The following RAET1L variants were observed in gnomAD, a reference collection of about 807,000 sequenced individuals.
RAET1L encodes the protein UL16-binding protein 6.
Under a neutral mutation model 23.9 loss-of-function variants are expected in RAET1L, and 16 were observed. That is an observed-to-expected ratio of 0.67 (90% CI 0.45 to 1.02). RAET1L has a LOEUF of 1.02. Ranked by LOEUF, RAET1L falls within the 50% of genes least tolerant of loss-of-function variation. The pLI is 0.00. For missense variants in RAET1L, 233 were observed against 304.0 expected, an observed-to-expected ratio of 0.77 and a Z score of 1.74; for synonymous variants, 70 against 111.2, an observed-to-expected ratio of 0.63 and a Z score of 2.33.
At chr6:150,019,068 G>A (rs1483479330) in intron 4 of RAET1L, among the ~76,000 whole-genome samples, 1 of 152,132 alleles carries the variant, frequency 6.6e-6, no homozygotes, top group Non-Finnish European at 1.5e-5. Context: ...ACCTGACCAG[G>A]GGATGGAGTG....
At chr6:150,021,695 A>T (rs1424172340) in intron 2 of RAET1L, among the ~76,000 whole-genome samples, 1 of 142,868 alleles carries the variant, frequency 7.0e-6, no homozygotes, top group African/African-American at 2.6e-5. Flanking sequence ...TGCCGGGTTC[A>T]AGGGATCCTC....
At chr6:150,023,969 A>T (rs11752629) in intron 1 of RAET1L, among the ~76,000 whole-genome samples, 53,085 of 151,942 alleles carry the variant, frequency 0.35, 10,336 homozygotes, top group Non-Finnish European at 0.45. Flanking sequence ...CATTAGGAAG[A>T]TAGGCCCAGC....
chr6:150,025,452 G>A lies in RAET1L; in HGVS notation c.20C>T (p.Pro7Leu). MAAAAI[P>L]ALLLCLPLLF... is the part of the protein sequence containing the mutation. ...AAGCGGGAGGCACAGAAGCAAAGCT[G>A]GGATGGCGGCTGCTGCCATTGGGGA... Residue 7 changes from proline (P) to leucine (L), a missense_variant, in exon 1 of 5, where the codon CCA (proline) becomes CTA (leucine). This residue lies in a region of RAET1L where 42 missense variants were observed against 35.0 expected (regional missense o/e 1.20). Coordinates refer to ENST00000367341, the MANE Select transcript of RAET1L (RefSeq NM_130900.3). 1 of 1,614,064 alleles carries A rather than the reference G, an allele frequency of 6.2e-7. No individual in the cohort carries two copies. Among genetic ancestry groups the A allele is most frequent in the Non-Finnish European group, 8.5e-7 (1 of 1,179,906 alleles).
At chr6:150,023,481 C>A (rs1441275359) in intron 1 of RAET1L, among the ~76,000 whole-genome samples, 1 of 152,116 alleles carries the variant, frequency 6.6e-6, no homozygotes, top group Non-Finnish European at 1.5e-5. Context: ...GTCCTTGTGG[C>A]CTTCTCCAGA....
Position 150,021,116 on chromosome 6 carries a change from C to T in RAET1L, c.420G>A (p.Gln140=), listed in dbSNP as rs200908227. Residue 140 remains glutamine (Q), a synonymous_variant, in exon 3 of 5, where the codon CAG becomes CAA. Transcript: ENST00000367341. ...GGAAGGTCTGTCCATCGATACTGAACTGCCAAGATCCACTGCTGTGTCCTT... is the reference window on the plus strand; with the variant it reads ...GGAAGGTCTGTCCATCGATACTGAATTGCCAAGATCCACTGCTGTGTCCTT... ...KAEGHSSGSW[Q]FSIDGQTFLL... The T allele has an allele frequency of 6.2e-7, 1 of 1,614,174 alleles. No individual in the cohort carries two copies. Among genetic ancestry groups the T allele is most frequent in the East Asian group, 2.2e-5 (1 of 44,880 alleles).
At chr6:150,024,961 T>C (rs1297460105) in intron 1 of RAET1L, among the ~76,000 whole-genome samples, 1 of 151,966 alleles carries the variant, frequency 6.6e-6, no homozygotes, top group East Asian at 1.9e-4. Flanking sequence ...AGAGAGCAGG[T>C]GAGAGCAGAG....
In RAET1L at chr6:150,020,678, T is replaced by C. The variant is rs543931021; in HGVS notation, c.631+227A>G. Among the ~76,000 whole-genome samples the C allele has an allele frequency of 1.9e-3, 294 of 151,414 alleles. 2 individuals carry two copies. Among genetic ancestry groups the C allele is most frequent in the African/African-American group, 5.2e-3 (215 of 40,960 alleles). ...CAAGGCTGGTGAGAAATCCACAGTGTGGGGAGCAGAAGCAAGTGCAGTGAG... is the reference window on the plus strand; with the variant it reads ...CAAGGCTGGTGAGAAATCCACAGTGCGGGGAGCAGAAGCAAGTGCAGTGAG... On this transcript the variant is annotated intron_variant, in intron 3 of 4. Transcript: ENST00000367341.
chr6:150,021,300 A>G, intron 2 of RAET1L, 114 bp from the exon 3 acceptor site: 1 of 1,329,694 alleles, frequency 7.5e-7, no homozygotes, highest in South Asian at 1.4e-5. Flanking sequence ...CCTTGCCTCT[A>G]GACTCTTGAG....
chr6:150,019,204 T>C (rs1460220996), intron 4 of RAET1L, among the ~76,000 whole-genome samples: 4 of 152,242 alleles, frequency 2.6e-5, no homozygotes, highest in East Asian at 1.9e-4. Flanking sequence ...GAGAGGGCTC[T>C]GTATTCCTGT....
At chr6:150,019,740 T>G (rs1426883211) in intron 4 of RAET1L, among the ~76,000 whole-genome samples, 2 of 137,868 alleles carry the variant, frequency 1.5e-5, no homozygotes, top group Non-Finnish European at 3.2e-5. Context: ...CCTAACCCAA[T>G]TAAGAGGACT....
At chr6:150,024,994 G>T (rs1236343671) in intron 1 of RAET1L, among the ~76,000 whole-genome samples, 2 of 152,062 alleles carry the variant, frequency 1.3e-5, no homozygotes, top group Non-Finnish European at 2.9e-5. Context: ...TGGTGGGGGC[G>T]TCTGTGATTG....
chr6:150,021,303 C>T (rs1348003228), intron 2 of RAET1L, 117 bp from the exon 3 acceptor site: 2 of 1,290,488 alleles, frequency 1.5e-6, no homozygotes, highest in East Asian at 2.3e-5. Flanking sequence ...TGCCTCTAGA[C>T]TCTTGAGGGG....
intron 3 of RAET1L, 114 bp from the exon 4 acceptor site, chr6:150,020,353 C>T (rs1051136081): frequency 3.0e-5 from 48 of 1,591,540 alleles, no homozygotes; most frequent in Non-Finnish European, 9.4e-6. Flanking sequence ...TTGTCCCCTC[C>T]CCCCTGGTGT....
chr6:150,021,548 C>T (rs1210506196), intron 2 of RAET1L, among the ~76,000 whole-genome samples: 2 of 147,970 alleles, frequency 1.4e-5, no homozygotes, highest in Non-Finnish European at 3.0e-5. Context: ...ATCCGCCTAC[C>T]TCAGCCTCCC....
intron 2 of RAET1L, 62 bp downstream of exon 2, chr6:150,021,918 A>G (rs1023011880): frequency 1.3e-6 from 2 of 1,595,100 alleles, no homozygotes; most frequent in African/African-American, 1.3e-5. Flanking sequence ...CATGAAAACT[A>G]TAAATGCCTC....
At chr6:150,018,905 CT>C in intron 4 of RAET1L, 50 bp from the exon 5 acceptor site, 4 of 289,702 alleles carry the variant, frequency 1.4e-5, no homozygotes, top group Non-Finnish European at 2.7e-5. Context: ...ACCCGGATCA[CT>C]TTTCCACGGT....
At chr6:150,020,865 T>C (rs777009916) in intron 3 of RAET1L, 40 bp downstream of exon 3, 27 of 1,607,034 alleles carry the variant, frequency 1.7e-5, no homozygotes, top group Non-Finnish European at 2.0e-5. Context: ...TCCCCATTTC[T>C]GATCTCATTT....
intron 4 of RAET1L, among the ~76,000 whole-genome samples, chr6:150,019,190 C>G (rs563434342): frequency 2.0e-5 from 3 of 152,188 alleles, no homozygotes; most frequent in Non-Finnish European, 4.4e-5. Context: ...GACAGACTTC[C>G]AAAGAGAGGG....
intron 3 of RAET1L, among the ~76,000 whole-genome samples, chr6:150,020,643 C>A (rs542052359): frequency 6.6e-6 from 1 of 152,172 alleles, no homozygotes; most frequent in African/African-American, 2.4e-5. Context: ...AACAGTGACA[C>A]CTGCAGTTTC....
Sources: allele counts gnomAD v4.1 joint callset (sites outside exome capture counted in the v4.1 genomes callset), GRCh38; gene constraint gnomAD v4.1.1; regional missense constraint gnomAD v4.1.1; transcripts MANE v1.5; gene names NCBI Gene and HGNC (gene_info 2026-07-23, HGNC 2026-07-21).